DTNA: variants seen among roughly 807,000 people sequenced by gnomAD.
DTNA encodes the protein dystrophin-related protein 3.
DTNA carries 43 observed loss-of-function variants against 100.7 expected under a neutral mutation model. That is an observed-to-expected ratio of 0.43 (90% CI 0.33 to 0.55). The LOEUF (loss-of-function observed/expected upper bound fraction) is 0.55, where lower values mean the gene tolerates loss of function less well. DTNA is among the 20% of genes least tolerant of loss of function. The probability of loss-of-function intolerance (pLI) is 0.04; values close to 1 mark genes in which losing one functional copy is unlikely to be tolerated. For synonymous variants in DTNA, 349 were observed against 347.9 expected (o/e 1.00, Z -0.04); for missense variants, 798 against 953.9 (o/e 0.84, Z 2.15).
chr18:34,688,732 T>G (rs141634621), intron 1 of DTNA, among the ~76,000 whole-genome samples: 1 of 152,078 alleles, frequency 6.6e-6, no homozygotes, highest in African/African-American at 2.4e-5. Context: ...TATCCTGAAG[T>G]GTGTTTTCTA....
intron 15 of DTNA, 89 bp downstream of exon 15, chr18:34,852,017 C>A: frequency 7.7e-7 from 1 of 1,298,018 alleles, no homozygotes; most frequent in Non-Finnish European, 1.1e-6. Flanking sequence ...CAGGGCTTTA[C>A]ACCCTGTATG....
chr18:34,703,906 C>G (rs1419608423), intron 1 of DTNA, among the ~76,000 whole-genome samples: 1 of 152,156 alleles, frequency 6.6e-6, no homozygotes. Context: ...CTATTCTCCC[C>G]TTCTTGGGAA....
At chr18:34,775,921 T>C (rs1432424195) in intron 3 of DTNA, among the ~76,000 whole-genome samples, 2 of 152,214 alleles carry the variant, frequency 1.3e-5, no homozygotes, top group Admixed American at 6.5e-5. Flanking sequence ...TAAAGAACTA[T>C]ACACAGTAAA....
intron 1 of DTNA, among the ~76,000 whole-genome samples, chr18:34,641,293 A>ATGTACTG (rs1405250574): frequency 6.6e-6 from 1 of 152,254 alleles, no homozygotes; most frequent in African/African-American, 2.4e-5. Flanking sequence ...AATAATGTCT[A>ATGTACTG]TGTACTGTGT....
In DTNA at chr18:34,806,175, T is replaced by G. The variant is rs767565636; in HGVS notation, c.363-44T>G. 29 of 1,538,774 alleles carry G rather than the reference T, an allele frequency of 1.9e-5. No individual in the cohort carries two copies. In the Middle Eastern group the frequency reaches 2.4e-3, roughly 128 times the overall value. On this transcript the variant is annotated intron_variant, in intron 4 of 22. Coordinates refer to ENST00000444659, the MANE Select transcript of DTNA (RefSeq NM_001386795.1). ...AGTACTCCAAATGACATCATGGTTT[T>G]GTTTTGTTTTTGTTTTTGTTTTTTT...
At chr18:34,568,533 A>G (rs1418607931) in intron 1 of DTNA, among the ~76,000 whole-genome samples, 2 of 152,010 alleles carry the variant, frequency 1.3e-5, no homozygotes, top group Non-Finnish European at 2.9e-5. Flanking sequence ...TTACTTTCCT[A>G]CAGTTTCCTC....
chr18:34,841,951 TC>T, intron 13 of DTNA, among the ~76,000 whole-genome samples: 2 of 152,164 alleles, frequency 1.3e-5, no homozygotes, highest in Non-Finnish European at 2.9e-5. Flanking sequence ...GTCAGATAAG[TC>T]AAATAAATAA....
intron 1 of DTNA, among the ~76,000 whole-genome samples, chr18:34,518,636 A>C (rs2041879205): frequency 6.7e-6 from 1 of 148,752 alleles, no homozygotes; most frequent in Non-Finnish European, 1.5e-5. Flanking sequence ...TTTGCCTATG[A>C]ATGTCCAGTT....
intron 1 of DTNA, among the ~76,000 whole-genome samples, chr18:34,754,998 A>T (rs562549701): frequency 6.6e-6 from 1 of 152,256 alleles, no homozygotes; most frequent in Admixed American, 6.5e-5. Flanking sequence ...AGCAGGGGCC[A>T]TAGCCATAGG....
intron 1 of DTNA, among the ~76,000 whole-genome samples, chr18:34,636,983 A>G (rs1568085494): frequency 6.6e-6 from 1 of 152,166 alleles, no homozygotes; most frequent in Non-Finnish European, 1.5e-5. Flanking sequence ...CTTCCAGGGT[A>G]TTTCTTCTGA....
intron 13 of DTNA, 37 bp downstream of exon 13, chr18:34,838,874 A>G (rs962930025): frequency 6.3e-7 from 1 of 1,576,850 alleles, no homozygotes; most frequent in African/African-American, 1.3e-5. Flanking sequence ...GTCCTTAGAG[A>G]GGGATACAGT....
At chr18:34,550,724 G>C (rs2045319025) in intron 1 of DTNA, among the ~76,000 whole-genome samples, 1 of 152,008 alleles carries the variant, frequency 6.6e-6, no homozygotes, top group Non-Finnish European at 1.5e-5. Flanking sequence ...ATATTGCATT[G>C]TTATTCAGGG....
At chr18:34,548,961 C>T (rs1221174027) in intron 1 of DTNA, among the ~76,000 whole-genome samples, 6 of 152,098 alleles carry the variant, frequency 3.9e-5, no homozygotes, top group African/African-American at 9.7e-5. Context: ...ATGATTGTGG[C>T]TAATACTGAT....
At chr18:34,783,397 T>C (rs1357305532) in intron 3 of DTNA, among the ~76,000 whole-genome samples, 1 of 152,206 alleles carries the variant, frequency 6.6e-6, no homozygotes, top group Non-Finnish European at 1.5e-5. Flanking sequence ...ACCAAAAATA[T>C]GTTGTAGACC....
chr18:34,554,638 G>A (rs1568642741), intron 1 of DTNA, among the ~76,000 whole-genome samples: 2 of 150,980 alleles, frequency 1.3e-5, no homozygotes, highest in Admixed American at 6.6e-5. Flanking sequence ...ATAATCATGT[G>A]GTTTTTGTCT....
intron 1 of DTNA, among the ~76,000 whole-genome samples, chr18:34,596,892 G>A (rs974885745): frequency 6.6e-6 from 1 of 152,034 alleles, no homozygotes; most frequent in African/African-American, 2.4e-5. Context: ...TGGGATACAT[G>A]TGCAGAACGT....
intron 1 of DTNA, among the ~76,000 whole-genome samples, chr18:34,722,029 C>T (rs1261964651): frequency 6.6e-6 from 1 of 152,062 alleles, no homozygotes; most frequent in Admixed American, 6.6e-5. Flanking sequence ...TTTGAGCTCC[C>T]CTTTCCTTAT....
chr18:34,765,769 T>C (rs1160873577), intron 2 of DTNA, among the ~76,000 whole-genome samples, 192 bp from the exon 3 acceptor site: 1 of 152,218 alleles, frequency 6.6e-6, no homozygotes, highest in Non-Finnish European at 1.5e-5. Flanking sequence ...ATGTGTGTGC[T>C]CTTTTTCCCT....
chr18:34,670,918 G>T (rs921404903), intron 1 of DTNA, among the ~76,000 whole-genome samples: 15 of 152,206 alleles, frequency 9.9e-5, no homozygotes, highest in African/African-American at 3.6e-4. Flanking sequence ...CTCAAACTCT[G>T]TACTGGGAGA....
Sources: gnomAD v4.1 joint callset for allele counts (sites outside exome capture counted in the v4.1 genomes callset) on GRCh38, gnomAD v4.1.1 for gene constraint, MANE v1.5 for transcripts, NCBI Gene and HGNC (gene_info 2026-07-23, HGNC 2026-07-21) for gene names.